NRXN3: variants seen among roughly 807,000 people sequenced by gnomAD.
The protein encoded by NRXN3 is neurexin III.
NRXN3 carries 32 observed loss-of-function variants against 137.6 expected under a neutral mutation model. That is an observed-to-expected ratio of 0.23 (90% CI 0.18 to 0.31). The LOEUF is 0.31. NRXN3 is among the 10% of genes least tolerant of loss of function. The probability of loss-of-function intolerance (pLI) is 1.00; values close to 1 mark genes in which losing one functional copy is unlikely to be tolerated. For missense variants in NRXN3, 1,574 were observed against 2,062.5 expected (o/e 0.76, Z 4.59); for synonymous variants, 798 against 784.5 (o/e 1.02, Z -0.29).
intron 16 of NRXN3, among the ~76,000 whole-genome samples, chr14:79,630,427 G>T (rs1339794591): frequency 2.6e-5 from 4 of 152,204 alleles, no homozygotes; most frequent in African/African-American, 4.8e-5. Context: ...CTGCTTATCT[G>T]CTTTGGCCAC....
At chr14:78,342,842 G>A (rs148691284) in intron 4 of NRXN3, among the ~76,000 whole-genome samples, 39 of 152,226 alleles carry the variant, frequency 2.6e-4, no homozygotes, top group African/African-American at 9.1e-4. Context: ...CACTGAGCCT[G>A]TTTGCTCATA....
intron 8 of NRXN3, among the ~76,000 whole-genome samples, chr14:78,729,971 AG>A (rs2098506916): frequency 1.3e-5 from 2 of 152,340 alleles, no homozygotes; most frequent in Admixed American, 1.3e-4. Context: ...GAAGGAACTT[AG>A]TACCTGCTAG....
At chr14:78,433,327 T>C (rs1296747926) in intron 4 of NRXN3, among the ~76,000 whole-genome samples, 1 of 152,200 alleles carries the variant, frequency 6.6e-6, no homozygotes, top group African/African-American at 2.4e-5. Flanking sequence ...TTCTGCTACT[T>C]GCTGGTGAAA....
At chr14:79,300,850 A>G (rs1315233030) in intron 15 of NRXN3, among the ~76,000 whole-genome samples, 1 of 152,072 alleles carries the variant, frequency 6.6e-6, no homozygotes, top group African/African-American at 2.4e-5. Flanking sequence ...CCAACAATTT[A>G]CCATAAAGTG....
chr14:78,586,629 G>A (rs1029383686), intron 4 of NRXN3, among the ~76,000 whole-genome samples: 2 of 152,088 alleles, frequency 1.3e-5, no homozygotes, highest in African/African-American at 4.8e-5. Context: ...TAGCCCCACC[G>A]CCTGATCAGG....
chr14:79,744,953 G>T (rs1469324861), intron 19 of NRXN3, among the ~76,000 whole-genome samples: 2 of 151,296 alleles, frequency 1.3e-5, no homozygotes, highest in African/African-American at 4.9e-5. Flanking sequence ...GCTAGGGCAA[G>T]GTCAGAAGAT....
intron 15 of NRXN3, among the ~76,000 whole-genome samples, chr14:79,261,856 T>G (rs933864153): frequency 1.3e-5 from 2 of 152,034 alleles, no homozygotes; most frequent in Admixed American, 1.3e-4. Context: ...TCTGGGACTT[T>G]GAGAATTTGG....
At chr14:79,249,019 GAC>G (rs2075590077) in intron 15 of NRXN3, 1 of 152,158 alleles carries the variant, frequency 6.6e-6, no homozygotes, top group Non-Finnish European at 1.5e-5. Context: ...CCTGGTGGGA[GAC>G]AGTTTTGTAG....
intron 2 of NRXN3, among the ~76,000 whole-genome samples, chr14:78,271,494 A>AAAGGGCTGTCTGCAC (rs1416528499): frequency 6.6e-6 from 1 of 151,910 alleles, no homozygotes; most frequent in Non-Finnish European, 1.5e-5. Context: ...AAAAAAAACA[A>AAAGGGCTGTCTGCAC]AAGGGCTGTC....
intron 16 of NRXN3, among the ~76,000 whole-genome samples, chr14:79,475,296 T>C (rs2096549891): frequency 6.6e-6 from 1 of 152,160 alleles, no homozygotes; most frequent in South Asian, 2.1e-4. Flanking sequence ...TGATAGGAAA[T>C]TATGAGAAGG....
At chr14:79,140,725 A>G (rs763958855) in intron 15 of NRXN3, among the ~76,000 whole-genome samples, 6 of 152,130 alleles carry the variant, frequency 3.9e-5, no homozygotes, top group Non-Finnish European at 5.9e-5. Flanking sequence ...ACATATAGGA[A>G]TACAAGAAAT....
intron 15 of NRXN3, among the ~76,000 whole-genome samples, chr14:79,204,565 T>C (rs1237221343): frequency 6.6e-6 from 1 of 152,040 alleles, no homozygotes; most frequent in Non-Finnish European, 1.5e-5. Flanking sequence ...AGTATTTGGG[T>C]GTTTACATAT....
intron 15 of NRXN3, among the ~76,000 whole-genome samples, chr14:79,426,124 C>T (rs1022703576): frequency 6.6e-6 from 1 of 152,058 alleles, no homozygotes. Flanking sequence ...CATAATTAAC[C>T]AGTGTCTACA....
chr14:78,187,254 G>GGT (rs869130623), intron 1 of NRXN3, among the ~76,000 whole-genome samples: 44 of 126,766 alleles, frequency 3.5e-4, no homozygotes, highest in African/African-American at 9.9e-4. Context: ...ATGTTTTGGT[G>GGT]GTGTGTGTGT....
intron 15 of NRXN3, among the ~76,000 whole-genome samples, chr14:79,210,069 G>T (rs1246527937): frequency 6.6e-6 from 1 of 152,162 alleles, no homozygotes; most frequent in Non-Finnish European, 1.5e-5. Context: ...GACAGTTACA[G>T]ATAAGTTTGG....
At chr14:78,467,387 A>G (rs993521222) in intron 4 of NRXN3, among the ~76,000 whole-genome samples, 1 of 152,234 alleles carries the variant, frequency 6.6e-6, no homozygotes, top group African/African-American at 2.4e-5. Flanking sequence ...ATTATAAACA[A>G]CACAAGCACA....
intron 15 of NRXN3, among the ~76,000 whole-genome samples, chr14:79,361,980 T>C (rs2093695691): frequency 7.1e-6 from 1 of 141,118 alleles, no homozygotes; most frequent in Non-Finnish European, 1.5e-5. Flanking sequence ...TTTTACGCTA[T>C]TCATTCTACT....
intron 2 of NRXN3, among the ~76,000 whole-genome samples, chr14:78,255,929 C>T (rs2069504855): frequency 6.6e-6 from 1 of 152,164 alleles, no homozygotes; most frequent in African/African-American, 2.4e-5. Context: ...AAGTCAGGTC[C>T]AATCGGACCA....
intron 16 of NRXN3, among the ~76,000 whole-genome samples, chr14:79,541,775 T>C (rs554998782): frequency 3.3e-5 from 5 of 152,336 alleles, no homozygotes; most frequent in South Asian, 2.1e-4. Flanking sequence ...CTGTAGCTGA[T>C]GGAGTTGCAT....
Sources: allele counts gnomAD v4.1 joint callset (sites outside exome capture counted in the v4.1 genomes callset), GRCh38; gene constraint gnomAD v4.1.1; transcripts MANE v1.5; gene names NCBI Gene and HGNC (gene_info 2026-07-23, HGNC 2026-07-21).